TRIM62: variants seen among roughly 807,000 people sequenced by gnomAD.
TRIM62 encodes E3 ubiquitin-protein ligase TRIM62.
In TRIM62, 39 loss-of-function variants were observed where a neutral mutation model predicts 44.2. The ratio of observed to expected loss-of-function variants is 0.88; its 90% CI spans 0.68 to 1.15. TRIM62 has a LOEUF of 1.15. Among genes scored for constraint, TRIM62 ranks in the 50% most tolerant of loss-of-function variants. The probability of loss-of-function intolerance (pLI) is 0.00; values close to 1 mark genes in which losing one functional copy is unlikely to be tolerated. For synonymous variants in TRIM62, 278 were observed against 292.3 expected (o/e 0.95, Z 0.50); for missense variants, 544 against 665.5 (o/e 0.82, Z 2.01).
At chr1:33,175,384 C>T (rs1368329848) in intron 1 of TRIM62, among the ~76,000 whole-genome samples, 1 of 152,106 alleles carries the variant, frequency 6.6e-6, no homozygotes, top group African/African-American at 2.4e-5. Context: ...ACAGAACTCA[C>T]CTCCAAATCT....
intron 1 of TRIM62, among the ~76,000 whole-genome samples, chr1:33,180,788 T>TCTCAGATCC (rs1645454020): frequency 6.6e-6 from 1 of 151,576 alleles, no homozygotes; most frequent in Admixed American, 6.6e-5. Context: ...TCCAGGTCTG[T>TCTCAGATCC]CTCAGATCCC....
At chr1:33,151,985 T>C (rs1570291169) in intron 4 of TRIM62, among the ~76,000 whole-genome samples, 1 of 152,376 alleles carries the variant, frequency 6.6e-6, no homozygotes, top group East Asian at 1.9e-4. Context: ...CGTTTTCCTC[T>C]GGCCAGGCCT....
chr1:33,165,491 G>C lies in TRIM62; in HGVS notation c.484C>G (p.Arg162Gly). ...EHTEALQLLKRQLAETKSSTK... is the reference protein window; with the variant it reads ...EHTEALQLLKGQLAETKSSTK... ...CTCACCTTGGTCTCCGCCAGTTGTC[G>C]CTTGAGCAGCTGCAGCGCTTCGGTG... Residue 162 changes from arginine (R) to glycine (G), a missense_variant, in exon 2 of 5, where the codon CGA becomes GGA. By Grantham distance (125) the Arg-to-Gly change is moderately radical. Coordinates refer to ENST00000291416, the MANE Select transcript of TRIM62 (RefSeq NM_018207.3). This position sits in a 1 kb window ranked among gnomAD's most constrained non-coding sequence, Gnocchi z 4.0. 3.1e-6 allele frequency: 5 copies of C among 1,607,388 alleles called. No homozygotes were observed. Among genetic ancestry groups the C allele is most frequent in the Non-Finnish European group, 4.2e-6 (5 of 1,176,962 alleles).
intron 4 of TRIM62, among the ~76,000 whole-genome samples, chr1:33,157,094 C>T (rs576245279): frequency 1.3e-5 from 2 of 152,102 alleles, no homozygotes; most frequent in East Asian, 1.9e-4. Flanking sequence ...AACCAGTTCA[C>T]GTCACTTCAT....
At chr1:33,173,725 G>C (rs1042898858) in intron 1 of TRIM62, among the ~76,000 whole-genome samples, 8 of 151,226 alleles carry the variant, frequency 5.3e-5, no homozygotes, top group Non-Finnish European at 1.0e-4. Context: ...TAGAGACAAG[G>C]GCTCACTCTA....
At chr1:33,163,698 G>C (rs921151315) in intron 2 of TRIM62, 2 of 152,354 alleles carry the variant, frequency 1.3e-5, no homozygotes, top group African/African-American at 4.8e-5. Flanking sequence ...CCAGGGCGCC[G>C]ACCAAGGAAA....
rs1214615378 is a variant in TRIM62 at position 33,165,441 on chromosome 1, G to A, written c.504+30C>T. 1.2e-5 allele frequency: 18 copies of A among 1,550,236 alleles called. No homozygotes were observed. The highest frequency in any genetic ancestry group is 4.8e-5 in the East Asian group (2 of 41,520). On this transcript the variant is annotated intron_variant, in intron 2 of 4. Transcript: ENST00000291416. The surrounding 1 kb of genome is among the most constrained non-coding windows in gnomAD (Gnocchi z 4.0). The stretch of plus-strand genomic sequence containing the variant: ...CGAAGCCCTGCCCTCATCTCTGCCG[G>A]CCCCACCTCCGCGCCCCGGCCAGGC...
chr1:33,167,873 A>AT lies in TRIM62; in HGVS notation c.409-2308dup, dbSNP rs1340623748. Among the ~76,000 whole-genome samples the AT allele has an allele frequency of 2.0e-5, 3 of 152,250 alleles. No individual in the cohort carries two copies. Among genetic ancestry groups the AT allele is most frequent in the African/African-American group, 7.2e-5 (3 of 41,466 alleles). ...TATCTTTGATTACTATCAATTATTC[A>AT]TTTAAAAAACATTTCTTGGGCAACT... On this transcript the variant is annotated intron_variant, in intron 1 of 4. Transcript: ENST00000291416. This position sits in a 1 kb window ranked among gnomAD's most constrained non-coding sequence, Gnocchi z 4.2.
chr1:33,161,271 G>T lies in TRIM62; in HGVS notation c.505-1327C>A. On this transcript the variant is annotated intron_variant, in intron 2 of 4. Transcript: ENST00000291416. The surrounding 1 kb of genome is among the most constrained non-coding windows in gnomAD (Gnocchi z 4.3). ...GGCCTGAGGGATGGGCAGGATGTCA[G>T]TTGGGGGTCAGGGGAACAGGCAGAG... Among the ~76,000 whole-genome samples, 1 of 152,222 alleles carries T rather than the reference G, an allele frequency of 6.6e-6. No homozygotes were observed. Among genetic ancestry groups the T allele is most frequent in the Non-Finnish European group, 1.5e-5 (1 of 68,046 alleles).
chr1:33,168,309 G>A (rs1426569410), intron 1 of TRIM62, among the ~76,000 whole-genome samples: 2 of 152,190 alleles, frequency 1.3e-5, no homozygotes, highest in Admixed American at 6.5e-5. Flanking sequence ...GAAGGAGCCC[G>A]AGTCCCTGAT....
chr1:33,174,922 C>T (rs1570335188), intron 1 of TRIM62, among the ~76,000 whole-genome samples: 1 of 132,618 alleles, frequency 7.5e-6, no homozygotes, highest in East Asian at 2.2e-4. Context: ...TATATATACA[C>T]ACACACACAT....
At chr1:33,174,945 G>GTGTGTATATA (rs1172648170) in intron 1 of TRIM62, among the ~76,000 whole-genome samples, 17 of 141,742 alleles carry the variant, frequency 1.2e-4, no homozygotes, top group African/African-American at 4.7e-4. Flanking sequence ...ATATATGTGT[G>GTGTGTATATA]TATATATATA....
chr1:33,164,259 G>C (rs1353137370), intron 2 of TRIM62: 1 of 152,314 alleles, frequency 6.6e-6, no homozygotes, highest in Non-Finnish European at 1.5e-5. Context: ...GGCCAAGCTG[G>C]GGCATAGATC....
In TRIM62 at chr1:33,147,629, G is replaced by T; in HGVS notation, c.976C>A (p.Pro326Thr). 2 of 1,614,024 alleles carry T rather than the reference G, an allele frequency of 1.2e-6. No individual in the cohort carries two copies. The highest frequency in any genetic ancestry group is 2.2e-5 in the South Asian group (2 of 91,082). Residue 326 changes from proline (P) to threonine (T), a missense_variant, in exon 5 of 5, where the codon CCA becomes ACA. By Grantham distance (38) the Pro-to-Thr change is conservative. Coordinates refer to ENST00000291416, the MANE Select transcript of TRIM62 (RefSeq NM_018207.3). This position sits in a 1 kb window ranked among gnomAD's most constrained non-coding sequence, Gnocchi z 8.1. ...AAGCGCTTTGGCGAGTCCTGCAGTG[G>T]CTGTGGGTGCAAGTTGCCGTAAGCC... ...IVAYGNLHPQPLQDSPKRFDV... is the reference protein window; with the variant it reads ...IVAYGNLHPQTLQDSPKRFDV...
At chr1:33,173,583 T>A (rs1245688565) in intron 1 of TRIM62, among the ~76,000 whole-genome samples, 1 of 151,764 alleles carries the variant, frequency 6.6e-6, no homozygotes, top group Admixed American at 6.6e-5. Flanking sequence ...TGTGCTCACC[T>A]CCATGCCTGT....
In TRIM62 at chr1:33,171,575, C is replaced by T. The variant is rs138417844; in HGVS notation, c.409-6009G>A. On this transcript the variant is annotated intron_variant, in intron 1 of 4. Transcript: ENST00000291416. ...TACCCAATGAGTGTCAGGCTTTGTGCTGGCCGCTCCAGGGGTGGGCCTATA... is the reference window on the plus strand; with the variant it reads ...TACCCAATGAGTGTCAGGCTTTGTGTTGGCCGCTCCAGGGGTGGGCCTATA... Among the ~76,000 whole-genome samples the T allele has an allele frequency of 6.7e-3, 1,016 of 152,258 alleles. 6 individuals carry two copies. The highest frequency in any genetic ancestry group is 0.01 in the Non-Finnish European group (689 of 68,014).
In TRIM62 at chr1:33,156,756, T is replaced by C. The variant is rs141415320; in HGVS notation, c.877+1497A>G. On this transcript the variant is annotated intron_variant, in intron 4 of 4. Coordinates refer to ENST00000291416, the MANE Select transcript of TRIM62 (RefSeq NM_018207.3). ...CCTACTGCCTTTTCAGCATCAGTGC[T>C]GAGATAACTAATTGGCATCACAAAC... 3.1e-3 allele frequency among the ~76,000 whole-genome samples: 476 copies of C among 152,358 alleles called. 1 individual carries two copies. In the Middle Eastern group the frequency reaches 0.061, roughly 20 times the overall value.
intron 1 of TRIM62, among the ~76,000 whole-genome samples, chr1:33,175,500 C>G (rs757130099): frequency 2.6e-5 from 4 of 152,142 alleles, no homozygotes; most frequent in Non-Finnish European, 5.9e-5. Flanking sequence ...TGGTCTAACC[C>G]TGGGCAAGGC....
At position 33,147,487 on chromosome 1, in the gene TRIM62, C is replaced by A. The variant is rs1042684375; in HGVS notation, c.1118G>T (p.Ser373Ile). Residue 373 changes from serine to isoleucine, a missense_variant, in exon 5 of 5, where the codon AGC becomes ATC. Coordinates refer to ENST00000291416, the MANE Select transcript of TRIM62 (RefSeq NM_018207.3). The surrounding 1 kb of genome is among the most constrained non-coding windows in gnomAD (Gnocchi z 8.1). ...WVIGLAHEAA[S>I]RKGSIQIQPS... ...CTGGATCTGGATGCTGCCCTTGCGG[C>A]TTGCGGCTTCGTGTGCCAGCCCGAT... The A allele has an allele frequency of 6.2e-7, 1 of 1,613,326 alleles. No individual in the cohort carries two copies.
Sources: gnomAD v4.1 joint callset for allele counts (sites outside exome capture counted in the v4.1 genomes callset) on GRCh38, gnomAD v4.1.1 for gene constraint, Gnocchi (gnomAD v3.1) non-coding constraint, MANE v1.5 for transcripts, NCBI Gene and HGNC (gene_info 2026-07-23, HGNC 2026-07-21) for gene names.